DOCK1: variants seen among roughly 807,000 people sequenced by gnomAD.
The protein encoded by DOCK1 is dedicator of cytokinesis protein 1.
In DOCK1, 138 loss-of-function variants were observed where a neutral mutation model predicts 262.7. That is an observed-to-expected ratio of 0.53 (90% CI 0.46 to 0.61). The LOEUF (loss-of-function observed/expected upper bound fraction) is 0.61, where lower values mean the gene tolerates loss of function less well. Ranked by LOEUF, DOCK1 falls within the 20% of genes least tolerant of loss-of-function variation. The pLI is 0.00. For synonymous variants in DOCK1, 866 were observed against 867.4 expected, an observed-to-expected ratio of 1.00 and a Z score of 0.03; for missense variants, 1,908 against 2,370.7, an observed-to-expected ratio of 0.80 and a Z score of 4.05.
chr10:127,072,367 C>G (rs1234124651), intron 23 of DOCK1, among the ~76,000 whole-genome samples: 2 of 152,186 alleles, frequency 1.3e-5, no homozygotes, highest in African/African-American at 4.8e-5. Flanking sequence ...TTGGAGTGAG[C>G]AAGGCAGGCG....
intron 33 of DOCK1, among the ~76,000 whole-genome samples, chr10:127,369,138 G>A (rs1041999635): frequency 6.6e-6 from 1 of 152,184 alleles, no homozygotes; most frequent in Non-Finnish European, 1.5e-5. Context: ...CCAGTAACCG[G>A]AAGCCAGTAA....
At chr10:127,208,261 A>G (rs1454254478) in intron 27 of DOCK1, among the ~76,000 whole-genome samples, 1 of 152,168 alleles carries the variant, frequency 6.6e-6, no homozygotes, top group East Asian at 1.9e-4. Context: ...ACGGTCATAT[A>G]TGTTTGGCTC....
At chr10:127,385,852 G>A (rs1181113646) in intron 38 of DOCK1, among the ~76,000 whole-genome samples, 4 of 152,162 alleles carry the variant, frequency 2.6e-5, no homozygotes, top group African/African-American at 7.2e-5. Flanking sequence ...CTCCTCATGC[G>A]AGTTTCTGTC....
chr10:127,203,459 A>G lies in DOCK1; in HGVS notation c.2848-44549A>G, dbSNP rs144628010. Among the ~76,000 whole-genome samples, 72 of 152,272 alleles carry G rather than the reference A, an allele frequency of 4.7e-4. No homozygotes were observed. The Middle Eastern group carries it at 0.01, about 22-fold the overall frequency. ...GAATTGACGACCTGACTTTAGATGT[A>G]TTTATTTCGCAGCGTGGCTCATGGG... On this transcript the variant is annotated intron_variant, in intron 27 of 51. Coordinates refer to ENST00000623213, the MANE Select transcript of DOCK1 (RefSeq NM_001290223.2).
intron 28 of DOCK1, among the ~76,000 whole-genome samples, chr10:127,253,428 A>C (rs559256108): frequency 1.3e-5 from 2 of 152,088 alleles, no homozygotes; most frequent in Non-Finnish European, 2.9e-5. Flanking sequence ...CCTACAATTC[A>C]ATTCAATTCT....
chr10:127,386,637 A>T (rs2066137766), intron 38 of DOCK1, among the ~76,000 whole-genome samples: 1 of 151,816 alleles, frequency 6.6e-6, no homozygotes, highest in Admixed American at 6.6e-5. Flanking sequence ...TTGCAAGAAA[A>T]CAAGTTCAGG....
intron 21 of DOCK1, among the ~76,000 whole-genome samples, chr10:127,050,870 A>G (rs917764526): frequency 7.2e-5 from 11 of 152,154 alleles, no homozygotes; most frequent in Non-Finnish European, 1.6e-4. Context: ...CACATTCCCT[A>G]AAACTTTGAG....
chr10:127,261,230 TGC>T lies in DOCK1; in HGVS notation c.3044+3803_3044+3804del, dbSNP rs1411228152. Among the ~76,000 whole-genome samples the T allele has an allele frequency of 1.1e-3, 146 of 137,028 alleles. 8 individuals carry two copies. The highest frequency in any genetic ancestry group is 4.3e-3 in the South Asian group (17 of 3,964). 89.9% of individuals were successfully genotyped at this position (137,028 alleles called of 152,430 possible). On this transcript the variant is annotated intron_variant, in intron 29 of 51. Coordinates refer to ENST00000623213, the MANE Select transcript of DOCK1 (RefSeq NM_001290223.2). ...ACCTGCATGTGTGTGCATGTGGGTG[TGC>T]GTGTGTGTACCTGCATGTGTGTGCA...
intron 13 of DOCK1, among the ~76,000 whole-genome samples, chr10:127,021,135 T>C (rs1004723089): frequency 9.2e-5 from 14 of 152,182 alleles, no homozygotes; most frequent in Admixed American, 1.3e-4. Context: ...AGGTCTTACT[T>C]CTGTGCTGGC....
intron 23 of DOCK1, among the ~76,000 whole-genome samples, chr10:127,098,388 G>T (rs1487256241): frequency 6.6e-6 from 1 of 152,194 alleles, no homozygotes; most frequent in East Asian, 1.9e-4. Flanking sequence ...TGTGCACGCT[G>T]AGGAGGTTTT....
At chr10:127,222,915 G>A (rs1027023452) in intron 27 of DOCK1, among the ~76,000 whole-genome samples, 3 of 152,082 alleles carry the variant, frequency 2.0e-5, no homozygotes, top group South Asian at 2.1e-4. Flanking sequence ...GGGCTCAAGC[G>A]CTCCTTCTGC....
At chr10:127,229,708 C>A (rs750256103) in intron 27 of DOCK1, among the ~76,000 whole-genome samples, 1 of 152,152 alleles carries the variant, frequency 6.6e-6, no homozygotes, top group African/African-American at 2.4e-5. Flanking sequence ...GCAAATATGT[C>A]TTCAACATAT....
intron 16 of DOCK1, among the ~76,000 whole-genome samples, chr10:127,031,096 C>T (rs9418801): frequency 0.16 from 23,946 of 152,180 alleles, 2,230 homozygotes; most frequent in Non-Finnish European, 0.22. Flanking sequence ...ATTGGTAATT[C>T]ACATGATGGA....
intron 27 of DOCK1, among the ~76,000 whole-genome samples, chr10:127,156,250 C>A (rs1482285605): frequency 6.6e-6 from 1 of 152,146 alleles, no homozygotes; most frequent in Admixed American, 6.5e-5. Context: ...ATTATGCTAG[C>A]CCCACTTACA....
At chr10:127,169,110 T>C (rs1319134245) in intron 27 of DOCK1, among the ~76,000 whole-genome samples, 1 of 152,194 alleles carries the variant, frequency 6.6e-6, no homozygotes, top group African/African-American at 2.4e-5. Context: ...TTTTTATTTC[T>C]GCTGCTGGGA....
At chr10:127,173,054 G>C (rs1391675626) in intron 27 of DOCK1, among the ~76,000 whole-genome samples, 13 of 152,134 alleles carry the variant, frequency 8.5e-5, no homozygotes, top group African/African-American at 3.1e-4. Flanking sequence ...CAGCCTGTGT[G>C]CCGGGCATAT....
chr10:127,106,847 C>A (rs12260274), intron 24 of DOCK1, among the ~76,000 whole-genome samples: 33,554 of 152,062 alleles, frequency 0.22, 5,245 homozygotes, highest in African/African-American at 0.45. Context: ...CCTTCCTTTT[C>A]TCTCCCTAAC....
chr10:127,219,411 C>A (rs538015246), intron 27 of DOCK1, among the ~76,000 whole-genome samples: 93 of 152,140 alleles, frequency 6.1e-4, no homozygotes, highest in Non-Finnish European at 1.0e-3. Context: ...TAGTCCTTGG[C>A]CATTTTGTCT....
chr10:127,261,013 G>A (rs2060044456), intron 29 of DOCK1, among the ~76,000 whole-genome samples: 1 of 143,480 alleles, frequency 7.0e-6, no homozygotes. Flanking sequence ...ACCTGCATGT[G>A]TGTGCATGTG....
Sources: allele counts gnomAD v4.1 joint callset (sites outside exome capture counted in the v4.1 genomes callset), GRCh38; gene constraint gnomAD v4.1.1; transcripts MANE v1.5; gene names NCBI Gene and HGNC (gene_info 2026-07-23, HGNC 2026-07-21).